NRIP1: variants seen among roughly 807,000 people sequenced by gnomAD.
NRIP1 encodes nuclear receptor-interacting protein 1.
NRIP1 carries 28 observed loss-of-function variants against 75.0 expected under a neutral mutation model. The ratio of observed to expected loss-of-function variants is 0.37; its 90% confidence interval spans 0.28 to 0.51. NRIP1 has a LOEUF of 0.51. Ranked by LOEUF, NRIP1 falls within the 20% of genes least tolerant of loss-of-function variation. NRIP1 has a pLI of 0.92. For missense variants in NRIP1, 1,435 were observed against 1,343.7 expected (o/e 1.07, Z -1.06); for synonymous variants, 526 against 487.6 (o/e 1.08, Z -1.04).
upstream of NRIP1, chr21:15,065,634 A>G: frequency 6.6e-6 from 1 of 151,512 alleles, no homozygotes; most frequent in Admixed American, 6.6e-5. Flanking sequence ...CACGGGCGCG[A>G]ACTCTGGGTC....
At chr21:15,022,781 C>T (rs2088409864) in intron 2 of NRIP1, among the ~76,000 whole-genome samples, 1 of 152,102 alleles carries the variant, frequency 6.6e-6, no homozygotes, top group Admixed American at 6.5e-5. Context: ...CAAGTTACGA[C>T]GTGACCCAGG....
At position 14,965,535 on chromosome 21, in the gene NRIP1, G is replaced by A. The variant is rs2086709590; in HGVS notation, c.2658C>T (p.Ala886=). The change falls in exon 4 of 4, where the codon GCC becomes GCT. Residue 886 remains alanine (A), a synonymous_variant. Coordinates refer to ENST00000318948, the MANE Select transcript of NRIP1 (RefSeq NM_003489.4). ...GCAAGGACCCATACAGTACTTCTGG[G>A]GCACTGTGATTGTTTGCAGCATCAA... ...NIVDAANNHS[A]PEVLYGSLLN... 1 of 1,613,912 alleles carries A rather than the reference G, an allele frequency of 6.2e-7. No individual in the cohort carries two copies. Among genetic ancestry groups the A allele is most frequent in the East Asian group, 2.2e-5 (1 of 44,880 alleles).
chr21:15,065,291 G>T (rs1279579478), upstream of NRIP1, among the ~76,000 whole-genome samples: 1 of 151,986 alleles, frequency 6.6e-6, no homozygotes, highest in Non-Finnish European at 1.5e-5. Flanking sequence ...CGGAGGCAGC[G>T]AGAGGACCGC....
intron 1 of NRIP1, among the ~76,000 whole-genome samples, chr21:15,053,315 C>T (rs1398403292): frequency 6.6e-6 from 1 of 151,994 alleles, no homozygotes; most frequent in Non-Finnish European, 1.5e-5. Flanking sequence ...GGAGGAATAC[C>T]CATGGATGTG....
chr21:15,059,498 C>T (rs752894727), intron 1 of NRIP1, among the ~76,000 whole-genome samples: 10 of 151,214 alleles, frequency 6.6e-5, no homozygotes, highest in Non-Finnish European at 1.3e-4. Flanking sequence ...TTTTGCTACC[C>T]CAGCCCTATG....
At chr21:14,992,614 C>T (rs964603936) in intron 3 of NRIP1, 7 of 151,926 alleles carry the variant, frequency 4.6e-5, no homozygotes, top group Admixed American at 2.6e-4. Flanking sequence ...GATGTCCTCC[C>T]GCTCACTGCC....
chr21:14,980,509 C>A (rs1230094116), intron 3 of NRIP1, among the ~76,000 whole-genome samples: 1 of 151,514 alleles, frequency 6.6e-6, no homozygotes, highest in Non-Finnish European at 1.5e-5. Context: ...AAAATAAATA[C>A]ATACATATAT....
In NRIP1 at chr21:14,964,484, G is replaced by A. The variant is rs1021207477; in HGVS notation, c.*232C>T. On this transcript the variant is annotated 3_prime_UTR_variant, in exon 4 of 4. Transcript: ENST00000318948. ...AGGCTACTCACAGTTGTTATCTGATGCATACAGAAGTGTTAAACAACCAAT... is the reference window on the plus strand; with the variant it reads ...AGGCTACTCACAGTTGTTATCTGATACATACAGAAGTGTTAAACAACCAAT... The A allele has an allele frequency of 2.7e-6, 1 of 370,892 alleles. No individual in the cohort carries two copies. The highest frequency in any genetic ancestry group is 4.1e-5 in the East Asian group (1 of 24,170). 23.0% of individuals were successfully genotyped at this position (370,892 alleles called of 1,614,324 possible).
At chr21:15,050,923 C>CT in intron 1 of NRIP1, 1 of 455,944 alleles carries the variant, frequency 2.2e-6, no homozygotes. Flanking sequence ...AGTTTAGAGC[C>CT]TGTATACCTA....
At chr21:15,048,957 T>C (rs1038443930) in intron 1 of NRIP1, among the ~76,000 whole-genome samples, 3 of 150,880 alleles carry the variant, frequency 2.0e-5, no homozygotes, top group Admixed American at 1.3e-4. Flanking sequence ...AAATATATCA[T>C]ACAAATACAT....
At chr21:15,030,806 A>T (rs909005742) in intron 2 of NRIP1, among the ~76,000 whole-genome samples, 1 of 152,230 alleles carries the variant, frequency 6.6e-6, no homozygotes, top group Non-Finnish European at 1.5e-5. Context: ...ATAGATCACG[A>T]CATTCCCTTT....
rs372370950 is a variant in NRIP1 at position 15,005,737 on chromosome 21, T to C, written c.-335+8607A>G. On this transcript the variant is annotated intron_variant, in intron 3 of 3. Coordinates refer to ENST00000318948, the MANE Select transcript of NRIP1 (RefSeq NM_003489.4). The stretch of plus-strand genomic sequence containing the variant: ...TCCTCTTAACCCTTCCCAAGCAGAA[T>C]AGAACAAACCACCAGCATTCTGGAG... 1.5e-4 allele frequency among the ~76,000 whole-genome samples: 23 copies of C among 152,268 alleles called. 1 individual carries two copies. The highest frequency in any genetic ancestry group is 4.1e-4 in the African/African-American group (17 of 41,566).
At chr21:14,996,284 G>A (rs1170605293) in intron 3 of NRIP1, among the ~76,000 whole-genome samples, 1 of 152,086 alleles carries the variant, frequency 6.6e-6, no homozygotes, top group Non-Finnish European at 1.5e-5. Context: ...AGCTGCATGT[G>A]GCTTGTGGCT....
chr21:15,007,567 G>A (rs1295317462), intron 3 of NRIP1, among the ~76,000 whole-genome samples: 1 of 152,158 alleles, frequency 6.6e-6, no homozygotes, highest in Non-Finnish European at 1.5e-5. Flanking sequence ...ATCAGATCCT[G>A]TTTGAAGTCT....
chr21:14,966,263 A>G lies in NRIP1; in HGVS notation c.1930T>C (p.Ser644Pro). ...TTGCTGGGTCTCTGCTCTTCCACTG[A>G]CATGGATGACTGCATTCCACATTGT... ...LAQCGMQSSM[S>P]VEEQRPSKQL... Residue 644 changes from serine to proline, a missense_variant, in exon 4 of 4, where the codon TCA (serine) becomes CCA (proline). Physicochemically the swap from Ser to Pro is moderately conservative, Grantham distance 74 (BLOSUM62 -1). Transcript: ENST00000318948. The G allele has an allele frequency of 6.2e-7, 1 of 1,614,118 alleles. No homozygotes were observed. Among genetic ancestry groups the G allele is most frequent in the Admixed American group, 1.7e-5 (1 of 60,008 alleles).
chr21:15,052,743 C>T (rs2147375501), intron 1 of NRIP1, among the ~76,000 whole-genome samples: 1 of 152,230 alleles, frequency 6.6e-6, no homozygotes, highest in South Asian at 2.1e-4. Flanking sequence ...ATGAAAAACA[C>T]TTCCTAATTC....
intron 3 of NRIP1, among the ~76,000 whole-genome samples, chr21:14,969,559 G>A (rs894910149): frequency 6.6e-6 from 1 of 152,162 alleles, no homozygotes. Flanking sequence ...CCTAAGGAAG[G>A]GGGGCCATGA....
At chr21:15,032,010 CT>C (rs1271928227) in intron 2 of NRIP1, among the ~76,000 whole-genome samples, 1 of 152,120 alleles carries the variant, frequency 6.6e-6, no homozygotes, top group Non-Finnish European at 1.5e-5. Context: ...ACCACATTCC[CT>C]TTCTATGTGT....
intron 2 of NRIP1, among the ~76,000 whole-genome samples, chr21:15,035,310 T>C (rs1376165093): frequency 6.6e-6 from 1 of 152,172 alleles, no homozygotes; most frequent in Non-Finnish European, 1.5e-5. Flanking sequence ...TCTTTTAAAA[T>C]ACAAGTTTAC....
Sources: gnomAD v4.1 joint callset for allele counts (sites outside exome capture counted in the v4.1 genomes callset) on GRCh38, gnomAD v4.1.1 for gene constraint, MANE v1.5 for transcripts, NCBI Gene and HGNC (gene_info 2026-07-23, HGNC 2026-07-21) for gene names.